The following SSC4D variants were observed in gnomAD, a reference collection of about 807,000 sequenced individuals.
The protein encoded by SSC4D is scavenger receptor cysteine rich family member with 4 domains.
A neutral mutation model predicts 63.4 loss-of-function variants in SSC4D; 57 were observed. The ratio of observed to expected loss-of-function variants is 0.90; its 90% CI spans 0.73 to 1.12. The LOEUF is 1.12. Ranked by LOEUF, SSC4D falls within the 50% of genes most tolerant of loss-of-function variation. The probability of loss-of-function intolerance (pLI) is 0.00; values close to 1 mark genes in which losing one functional copy is unlikely to be tolerated. For synonymous variants in SSC4D, 352 were observed against 345.4 expected, an observed-to-expected ratio of 1.02 and a Z score of -0.21; for missense variants, 791 against 806.4, an observed-to-expected ratio of 0.98 and a Z score of 0.23.
intron 9 of SSC4D, among the ~76,000 whole-genome samples, chr7:76,392,639 A>G (rs2115738891): frequency 6.6e-6 from 1 of 151,944 alleles, no homozygotes; most frequent in African/African-American, 2.4e-5. Flanking sequence ...AAAAATTCAA[A>G]AATTAGCCAG....
intron 1 of SSC4D, among the ~76,000 whole-genome samples, chr7:76,406,153 T>G (rs1805022775): frequency 6.6e-6 from 1 of 152,012 alleles, no homozygotes; most frequent in African/African-American, 2.4e-5. Flanking sequence ...GCCCGGCTCA[T>G]TTTTTGTAGA....
chr7:76,393,993 CA>C (rs1804570790), intron 7 of SSC4D, 89 bp from the exon 8 acceptor site: 3 of 1,335,322 alleles, frequency 2.2e-6, no homozygotes, highest in Non-Finnish European at 3.1e-6. Context: ...CCAAGACCCC[CA>C]ACCCTACCAC....
chr7:76,397,144 G>A (rs970477936), intron 6 of SSC4D, among the ~76,000 whole-genome samples: 6 of 152,066 alleles, frequency 3.9e-5, no homozygotes, highest in African/African-American at 7.3e-5. Flanking sequence ...GTGCAGTGGC[G>A]TCAGCTCGGC....
At chr7:76,391,047 G>T (rs1380779459) in intron 10 of SSC4D, among the ~76,000 whole-genome samples, 2 of 152,062 alleles carry the variant, frequency 1.3e-5, no homozygotes, top group African/African-American at 4.8e-5. Context: ...GAAGCAGGAG[G>T]ATTGCTTGAG....
chr7:76,404,616 A>C, intron 1 of SSC4D, 111 bp from the exon 2 acceptor site: 1 of 823,098 alleles, frequency 1.2e-6, no homozygotes, highest in Non-Finnish European at 1.9e-6. Flanking sequence ...ACATAGTGAG[A>C]CCCCCATCTC....
intron 9 of SSC4D, among the ~76,000 whole-genome samples, 192 bp downstream of exon 9, chr7:76,393,213 C>G (rs565248690): frequency 6.6e-6 from 1 of 152,068 alleles, no homozygotes; most frequent in South Asian, 2.1e-4. Context: ...CTGCAGAAGG[C>G]TCTCCGTTCC....
chr7:76,391,975 C>G lies in SSC4D; in HGVS notation c.1400G>C (p.Arg467Pro), dbSNP rs146280428. ...GSETTRVPTP[R>P]PRDGHLRLVN... ...TTATGGGCACCTACCGTCCCTGGGC[C>G]GAGGAGTGGGCACCCGCGTGGTCTC... Residue 467 changes from arginine to proline, a missense_variant, in exon 10 of 11, where the codon CGG (arginine) becomes CCG (proline). Arg to Pro is a moderately radical substitution (Grantham distance 103). Transcript: ENST00000275560. 1 of 1,594,432 alleles carries G rather than the reference C, an allele frequency of 6.3e-7. No individual in the cohort carries two copies. Among genetic ancestry groups the G allele is most frequent in the Admixed American group, 1.8e-5 (1 of 56,950 alleles).
At chr7:76,394,790 A>ATATATAT (rs1491118836) in intron 7 of SSC4D, among the ~76,000 whole-genome samples, 89 of 144,840 alleles carry the variant, frequency 6.1e-4, no homozygotes, top group South Asian at 2.8e-3. Context: ...AATATATATG[A>ATATATAT]TATATATAAA....
At position 76,393,390 on chromosome 7, in the gene SSC4D, C is replaced by A. The variant is rs372743563; in HGVS notation, c.1333+15G>T. Reference sequence around the variant, plus strand: ...GCGGCCCCGCTGTCAGCCTCACCTTCGCTGTCAGCCTCACCTGCGCAGAGC... The same window carrying A: ...GCGGCCCCGCTGTCAGCCTCACCTTAGCTGTCAGCCTCACCTGCGCAGAGC... On this transcript the variant is annotated intron_variant, in intron 9 of 10. Transcript: ENST00000275560. 1 of 1,368,392 alleles carries A rather than the reference C, an allele frequency of 7.3e-7. No individual in the cohort carries two copies. Among genetic ancestry groups the A allele is most frequent in the South Asian group, 1.8e-5 (1 of 57,112 alleles). 84.8% of individuals were successfully genotyped at this position (1,368,392 alleles called of 1,614,324 possible).
At chr7:76,407,536 G>A (rs1209535747) in intron 1 of SSC4D, among the ~76,000 whole-genome samples, 2 of 151,954 alleles carry the variant, frequency 1.3e-5, no homozygotes, top group Non-Finnish European at 2.9e-5. Context: ...TTTCAAGACC[G>A]GCCTAGGCAA....
intron 10 of SSC4D, among the ~76,000 whole-genome samples, chr7:76,391,232 G>A (rs191728746): frequency 9.7e-4 from 147 of 152,148 alleles, no homozygotes; most frequent in African/African-American, 3.3e-3. Flanking sequence ...TCAGGAGTTC[G>A]TGACCAGCCT....
At chr7:76,391,316 C>A (rs1272743577) in intron 10 of SSC4D, among the ~76,000 whole-genome samples, 1 of 151,994 alleles carries the variant, frequency 6.6e-6, no homozygotes, top group Non-Finnish European at 1.5e-5. Context: ...TGGCACATGT[C>A]TATAATCCCA....
Position 76,393,592 on chromosome 7 carries a change from G to A in SSC4D, c.1146C>T (p.Cys382=). ...DWDFADARVA[C]REAGCGPALG... is the part of the protein sequence containing the mutation. ...GCGCAGGCCCGCAGCCCGCTTCGCG[G>A]CAGGCCACGCGCGCGTCCGCAAAGT... Residue 382 remains cysteine (C), a synonymous_variant, in exon 9 of 11, where the codon TGC becomes TGT. Coordinates refer to ENST00000275560, the MANE Select transcript of SSC4D (RefSeq NM_080744.2). The A allele has an allele frequency of 1.3e-6, 2 of 1,507,716 alleles. No individual in the cohort carries two copies. The highest frequency in any genetic ancestry group is 1.8e-6 in the Non-Finnish European group (2 of 1,134,718). The allele number at this position is 1,507,716 out of a possible 1,614,324, so 93.4% of individuals were successfully genotyped here. A position where few individuals can be genotyped will look rare whatever the true frequency, so the allele number is the denominator to read the frequency against.
chr7:76,399,069 T>C (rs1175733569), intron 4 of SSC4D, among the ~76,000 whole-genome samples: 1 of 152,154 alleles, frequency 6.6e-6, no homozygotes, highest in African/African-American at 2.4e-5. Context: ...TGGAGTGCAA[T>C]GGTGCAATCT....
chr7:76,407,271 T>C (rs184434074), intron 1 of SSC4D, among the ~76,000 whole-genome samples: 16 of 152,170 alleles, frequency 1.1e-4, no homozygotes, highest in African/African-American at 3.4e-4. Context: ...CTGATTTAAA[T>C]TAACTCTAGG....
At chr7:76,403,779 A>C (rs1563685977) in intron 2 of SSC4D, among the ~76,000 whole-genome samples, 1 of 151,940 alleles carries the variant, frequency 6.6e-6, no homozygotes, top group Non-Finnish European at 1.5e-5. Context: ...CTCCTGCCTC[A>C]GCCTCCTGAG....
chr7:76,390,072 C>T lies in SSC4D; in HGVS notation c.1715G>A (p.Cys572Tyr). The change falls in exon 11 of 11, where the codon TGC (cysteine) becomes TAC (tyrosine). Residue 572 changes from cysteine (C) to tyrosine (Y), a missense_variant. By Grantham distance (194) the Cys-to-Tyr change is radical (BLOSUM62 -2). Coordinates refer to ENST00000275560, the MANE Select transcript of SSC4D (RefSeq NM_080744.2). ...GAGCGGGCTGGGTCATGAAGGCTGG[C>T]ACAGGACACTGGCATCCTCGCTGTG... ...CDHSEDASVL[C>Y]QPS is the part of the protein sequence containing the mutation. The T allele has an allele frequency of 6.2e-7, 1 of 1,614,232 alleles. No homozygotes were observed.
rs555171387 is a variant in SSC4D, at chr7:76,393,556, C to G, written c.1182G>C (p.Thr394=). ...GGCCGTAGCCGAAGTGGCCCAGTCC[C>G]GTAGCGCCCAGCGCAGGCCCGCAGC... ...EAGCGPALGA[T]GLGHFGYGRG... is the part of the protein sequence containing the mutation. The change falls in exon 9 of 11, where the codon ACG becomes ACC. Residue 394 remains threonine (T), a synonymous_variant. Transcript: ENST00000275560. 1.2e-4 allele frequency: 179 copies of G among 1,519,772 alleles called. 2 individuals carry two copies. In the South Asian group the frequency reaches 2.1e-3, roughly 18 times the overall value. The allele number at this position is 1,519,772 out of a possible 1,614,324, so 94.1% of individuals were successfully genotyped here.
chr7:76,404,786 T>C (rs1296449984), intron 1 of SSC4D, among the ~76,000 whole-genome samples: 1 of 145,930 alleles, frequency 6.9e-6, no homozygotes, highest in Non-Finnish European at 1.5e-5. Flanking sequence ...ATGCAAAAAT[T>C]AGGCCGGCTG....
Sources: gnomAD v4.1 joint callset for allele counts (sites outside exome capture counted in the v4.1 genomes callset) on GRCh38, gnomAD v4.1.1 for gene constraint, MANE v1.5 for transcripts, NCBI Gene and HGNC (gene_info 2026-07-23, HGNC 2026-07-21) for gene names.